FGR: variants seen among roughly 807,000 people sequenced by gnomAD.
FGR encodes the protein tyrosine-protein kinase Fgr.
A neutral mutation model predicts 63.2 loss-of-function variants in FGR; 26 were observed. That is an observed-to-expected ratio of 0.41 (90% CI 0.30 to 0.57). FGR has a LOEUF of 0.57. Ranked by LOEUF, FGR falls within the 20% of genes least tolerant of loss-of-function variation. The pLI is 0.27. For synonymous variants in FGR, 286 were observed against 277.7 expected, an observed-to-expected ratio of 1.03 and a Z score of -0.30; for missense variants, 511 against 690.8, an observed-to-expected ratio of 0.74 and a Z score of 2.92.
Position 27,623,069 on chromosome 1 carries a change from C to T in FGR, c.302G>A (p.Gly101Asp), listed in dbSNP as rs772069319. 1.2e-6 allele frequency: 2 copies of T among 1,614,114 alleles called. No individual in the cohort carries two copies. Among genetic ancestry groups the T allele is most frequent in the Non-Finnish European group, 1.7e-6 (2 of 1,179,944 alleles). Residue 101 changes from glycine to aspartate, a missense_variant, in exon 4 of 13, where the codon GGC becomes GAC. Physicochemically the swap from Gly to Asp is moderately conservative, Grantham distance 94 (BLOSUM62 -1). Coordinates refer to ENST00000374005, the MANE Select transcript of FGR (RefSeq NM_005248.3). ...RTEDDLTFTK[G>D]EKFHILNNTE... ...ATTGTTCAGGATGTGGAACTTCTCG[C>T]CCTTGGTGAAGGTGAGGTCATCCTC...
rs139187589 is a variant in FGR at position 27,612,914 on chromosome 1, C to G, written c.1590G>C (p.Ter530TyrextTer33). The change falls in exon 13 of 13, where the codon TAG (stop) becomes TAC (tyrosine). Residue 530 changes from the stop codon to tyrosine (Y), a stop_lost. Transcript: ENST00000374005. Reference protein sequence around the residue: ...EPQYQPGDQT* With the variant: ...EPQYQPGDQTY ...CAGAGAGGGTTGATGCCCGGACAGGCTATGTCTGATCCCCGGGCTGGTACT... is the reference window on the plus strand; with the variant it reads ...CAGAGAGGGTTGATGCCCGGACAGGGTATGTCTGATCCCCGGGCTGGTACT... The G allele has an allele frequency of 6.2e-7, 1 of 1,613,066 alleles. No homozygotes were observed. Among genetic ancestry groups the G allele is most frequent in the African/African-American group, 1.3e-5 (1 of 74,918 alleles).
chr1:27,616,860 T>C lies in FGR; in HGVS notation c.679A>G (p.Met227Val). 8 of 1,614,142 alleles carry C rather than the reference T, an allele frequency of 5.0e-6. No homozygotes were observed. The highest frequency in any genetic ancestry group is 6.8e-6 in the Non-Finnish European group (8 of 1,180,006). The change falls in exon 7 of 13, where the codon ATG (methionine) becomes GTG (valine). Residue 227 changes from methionine to valine, a missense_variant. Met to Val is a conservative substitution (Grantham distance 21, BLOSUM62 1). Transcript: ENST00000374005. The surrounding 1 kb of genome is among the most constrained non-coding windows in gnomAD (Gnocchi z 4.3). ...GATCTGAGGCCCCTGCCCTCACCCA[T>C]GTAGTGCTGCACCAGCTCCTGCACC... ...NSVQELVQHY[M>V]EVNDGLCNLL...
chr1:27,633,341 C>T (rs2090133049), intron 1 of FGR, among the ~76,000 whole-genome samples: 1 of 152,208 alleles, frequency 6.6e-6, no homozygotes, highest in Non-Finnish European at 1.5e-5. Context: ...CTCCCATCAT[C>T]ACCACAGTCG....
At chr1:27,620,029 T>C (rs1334527851) in intron 5 of FGR, among the ~76,000 whole-genome samples, 3 of 151,998 alleles carry the variant, frequency 2.0e-5, no homozygotes, top group Non-Finnish European at 4.4e-5. Flanking sequence ...AATAATAATA[T>C]CAAGGGGCCG....
chr1:27,629,591 C>A (rs1442696034), intron 1 of FGR, among the ~76,000 whole-genome samples: 1 of 152,164 alleles, frequency 6.6e-6, no homozygotes, highest in Non-Finnish European at 1.5e-5. Flanking sequence ...ATGAAAATAG[C>A]CCTAGGACTC....
At position 27,620,175 on chromosome 1, in the gene FGR, G is replaced by A. The variant is rs544744003; in HGVS notation, c.428+1384C>T. Among the ~76,000 whole-genome samples, 342 of 152,168 alleles carry A rather than the reference G, an allele frequency of 2.2e-3. 3 individuals carry two copies. Among genetic ancestry groups the A allele is most frequent in the African/African-American group, 7.8e-3 (323 of 41,496 alleles). Reference sequence around the variant, plus strand: ...CTACTAAAATTATAAAAATTAGCCAGGTGTGGTGGCGTGCACCTGTAGTCC... The same window carrying A: ...CTACTAAAATTATAAAAATTAGCCAAGTGTGGTGGCGTGCACCTGTAGTCC... On this transcript the variant is annotated intron_variant, in intron 5 of 12. Transcript: ENST00000374005.
chr1:27,620,981 G>A (rs538755095), intron 5 of FGR, among the ~76,000 whole-genome samples: 3 of 90,342 alleles, frequency 3.3e-5, no homozygotes, highest in African/African-American at 1.5e-4. Context: ...AACAGAGTAG[G>A]ACCCTGTCTC....
chr1:27,614,619 G>C, intron 10 of FGR, 36 bp from the exon 11 acceptor site: 1 of 1,609,034 alleles, frequency 6.2e-7, no homozygotes, highest in South Asian at 1.1e-5. Flanking sequence ...GGGAGCTCAT[G>C]TGGACTCACA....
In FGR at chr1:27,620,313, T is replaced by C. The variant is rs565508968; in HGVS notation, c.428+1246A>G. On this transcript the variant is annotated intron_variant, in intron 5 of 12. Coordinates refer to ENST00000374005, the MANE Select transcript of FGR (RefSeq NM_005248.3). The stretch of plus-strand genomic sequence containing the variant: ...ACCTGGGCAACAGAGCAAGACTCTG[T>C]CTAAAATAATAATATCAAGGCCAGG... 3.3e-5 allele frequency among the ~76,000 whole-genome samples: 5 copies of C among 151,782 alleles called. No homozygotes were observed. In the South Asian group the frequency reaches 1.0e-3, roughly 32 times the overall value.
chr1:27,632,137 C>A (rs2090114241), intron 1 of FGR, among the ~76,000 whole-genome samples: 1 of 148,322 alleles, frequency 6.7e-6, no homozygotes. Context: ...TCTTCTTCTT[C>A]TTCTTTTTTT....
chr1:27,616,884 C>A lies in FGR; in HGVS notation c.655G>T (p.Val219Leu). ...ATGTAGTGCTGCACCAGCTCCTGCA[C>A]CGAGTTGAACTGAACCCGTGTGGTG... ...YITTRVQFNS[V>L]QELVQHYMEV... Residue 219 changes from valine to leucine, a missense_variant, in exon 7 of 13, where the codon GTG becomes TTG. Val to Leu is a conservative substitution (Grantham distance 32). Coordinates refer to ENST00000374005, the MANE Select transcript of FGR (RefSeq NM_005248.3). This position sits in a 1 kb window ranked among gnomAD's most constrained non-coding sequence, Gnocchi z 4.3. The A allele has an allele frequency of 3.1e-6, 5 of 1,614,204 alleles. No individual in the cohort carries two copies. Among genetic ancestry groups the A allele is most frequent in the Non-Finnish European group, 4.2e-6 (5 of 1,180,036 alleles).
chr1:27,625,551 C>T (rs1349599324), intron 1 of FGR, among the ~76,000 whole-genome samples: 2 of 152,202 alleles, frequency 1.3e-5, no homozygotes, highest in African/African-American at 2.4e-5. Context: ...CACACTCAGA[C>T]ACACATGATT....
Position 27,614,416 on chromosome 1 carries a change from G to T in FGR, c.1249+14C>A. The stretch of plus-strand genomic sequence containing the variant: ...GCATGGGGAGCTCTTGGAAGGTGGG[G>T]TGAAGCAGGGCACCTTGGCAGGGGT... On this transcript the variant is annotated intron_variant, in intron 11 of 12. Transcript: ENST00000374005. 2.5e-6 allele frequency: 4 copies of T among 1,607,502 alleles called. No homozygotes were observed. The highest frequency in any genetic ancestry group is 3.4e-6 in the Non-Finnish European group (4 of 1,175,672).
At chr1:27,624,808 G>T (rs983849921) in intron 2 of FGR, among the ~76,000 whole-genome samples, 2 of 152,086 alleles carry the variant, frequency 1.3e-5, no homozygotes, top group Non-Finnish European at 2.9e-5. Context: ...CTGGATGTGT[G>T]TATCTCTGCA....
At position 27,617,028 on chromosome 1, in the gene FGR, A is replaced by G. The variant is rs934742295; in HGVS notation, c.533-22T>C. The G allele has an allele frequency of 2.5e-6, 4 of 1,613,602 alleles. No homozygotes were observed. The African/African-American group carries it at 4.0e-5, about 16-fold the overall frequency. On this transcript the variant is annotated intron_variant, in intron 6 of 12. Transcript: ENST00000374005. This position sits in a 1 kb window ranked among gnomAD's most constrained non-coding sequence, Gnocchi z 4.5. ...GCACCTGTGGAGAGGATCACTTTTG[A>G]TCTGCTGTTCTCCTCTGCCCTAGTC...
chr1:27,619,585 A>C (rs768251226), intron 5 of FGR, among the ~76,000 whole-genome samples: 3 of 152,234 alleles, frequency 2.0e-5, no homozygotes, highest in Admixed American at 6.5e-5. Flanking sequence ...ACAGCAAACA[A>C]ACTGAGGAGT....
chr1:27,614,612 A>C (rs1386824655), intron 10 of FGR, 29 bp from the exon 11 acceptor site: 1 of 1,610,934 alleles, frequency 6.2e-7, no homozygotes, highest in African/African-American at 1.3e-5. Flanking sequence ...GAGAGATGGG[A>C]GCTCATGTGG....
intron 2 of FGR, 200 bp from the exon 3 acceptor site, chr1:27,624,129 C>A (rs1001465360): frequency 2.7e-5 from 14 of 522,040 alleles, no homozygotes; most frequent in Middle Eastern, 9.6e-4. Context: ...GTATGTCCCC[C>A]CTCAGTGCTT....
In FGR at chr1:27,612,898, T is replaced by A. The variant is rs1478456016; in HGVS notation, c.*16A>T. The A allele has an allele frequency of 1.9e-6, 3 of 1,607,866 alleles. No homozygotes were observed. Reference sequence around the variant, plus strand: ...GACTGGTGGCCACCGCCAGAGAGGGTTGATGCCCGGACAGGCTATGTCTGA... The same window carrying A: ...GACTGGTGGCCACCGCCAGAGAGGGATGATGCCCGGACAGGCTATGTCTGA... On this transcript the variant is annotated 3_prime_UTR_variant, in exon 13 of 13. Coordinates refer to ENST00000374005, the MANE Select transcript of FGR (RefSeq NM_005248.3).
Sources: allele counts gnomAD v4.1 joint callset (sites outside exome capture counted in the v4.1 genomes callset), GRCh38; gene constraint gnomAD v4.1.1; non-coding constraint Gnocchi (gnomAD v3.1); transcripts MANE v1.5; gene names NCBI Gene and HGNC (gene_info 2026-07-23, HGNC 2026-07-21).